OCA2: variants seen among roughly 807,000 people sequenced by gnomAD.
OCA2 encodes P protein.
Under a neutral mutation model 100.2 loss-of-function variants are expected in OCA2, and 77 were observed. The observed-to-expected ratio is 0.77, with a 90% confidence interval of 0.64 to 0.93. The LOEUF (loss-of-function observed/expected upper bound fraction) is 0.93. OCA2 is among the 40% of genes least tolerant of loss of function. OCA2 has a pLI of 0.00. For missense variants in OCA2, 1,062 were observed against 1,089.1 expected, an observed-to-expected ratio of 0.98 and a Z score of 0.35; for synonymous variants, 432 against 439.2, an observed-to-expected ratio of 0.98 and a Z score of 0.21.
At chr15:28,073,240 C>A (rs1241536658) in intron 2 of OCA2, among the ~76,000 whole-genome samples, 1 of 152,118 alleles carries the variant, frequency 6.6e-6, no homozygotes. Flanking sequence ...ACGGTGAAAC[C>A]CCGTCTCTAT....
chr15:28,069,427 C>T lies in OCA2; in HGVS notation c.227+12221G>A, dbSNP rs12593108. Among the ~76,000 whole-genome samples, 109 of 49,698 alleles carry T rather than the reference C, an allele frequency of 2.2e-3. 33 individuals carry two copies. In the African/African-American group the frequency reaches 0.027, roughly 12 times the overall value. The allele number at this position is 49,698 out of a possible 152,430, so 32.6% of individuals were successfully genotyped here. ...CCCCTTCCCCCTCCCCCTCCCCCTCCCCCTCCCCCTCTCCCCGGTCTCCCT... is the reference window on the plus strand; with the variant it reads ...CCCCTTCCCCCTCCCCCTCCCCCTCTCCCTCCCCCTCTCCCCGGTCTCCCT... On this transcript the variant is annotated intron_variant, in intron 2 of 23. Coordinates refer to ENST00000354638, the MANE Select transcript of OCA2 (RefSeq NM_000275.3).
chr15:28,022,582 A>G lies in OCA2; in HGVS notation c.574-9T>C. The G allele has an allele frequency of 6.2e-7, 1 of 1,609,684 alleles. No homozygotes were observed. Among genetic ancestry groups the G allele is most frequent in the Non-Finnish European group, 8.5e-7 (1 of 1,175,978 alleles). ...TATAGGCTGAACAAAATCTGTAACA[A>G]TCAGAAACGTTGAATGACAGAGGTG... On this transcript the variant is annotated splice_polypyrimidine_tract_variant and intron_variant, in intron 5 of 23. Coordinates refer to ENST00000354638, the MANE Select transcript of OCA2 (RefSeq NM_000275.3).
chr15:27,896,820 G>T (rs1595597027), intron 19 of OCA2, among the ~76,000 whole-genome samples: 2 of 152,144 alleles, frequency 1.3e-5, no homozygotes, highest in Non-Finnish European at 2.9e-5. Flanking sequence ...GCCAGCTGCA[G>T]AAATTTGCAT....
At chr15:27,893,346 G>A (rs59601668) in intron 19 of OCA2, among the ~76,000 whole-genome samples, 24 of 152,260 alleles carry the variant, frequency 1.6e-4, no homozygotes, top group African/African-American at 5.8e-4. Context: ...TGTAAAACAC[G>A]TGTGTTTGAA....
chr15:27,890,663 G>A (rs2037417656), intron 19 of OCA2, among the ~76,000 whole-genome samples: 1 of 152,136 alleles, frequency 6.6e-6, no homozygotes, highest in Non-Finnish European at 1.5e-5. Flanking sequence ...TAAAGAAAAA[G>A]AATTTTTTAC....
At chr15:28,093,769 A>G (rs2044915022) in intron 1 of OCA2, among the ~76,000 whole-genome samples, 1 of 152,186 alleles carries the variant, frequency 6.6e-6, no homozygotes, top group Non-Finnish European at 1.5e-5. Context: ...ATCAAAAGGA[A>G]CAGACAATTC....
intron 23 of OCA2, among the ~76,000 whole-genome samples, chr15:27,768,571 T>C (rs2031467950): frequency 6.6e-6 from 1 of 152,354 alleles, no homozygotes. Context: ...CCTTAAAAAC[T>C]CTCTTGTAAC....
At chr15:28,084,869 A>G (rs1158990097) in intron 1 of OCA2, among the ~76,000 whole-genome samples, 2 of 152,212 alleles carry the variant, frequency 1.3e-5, no homozygotes, top group Non-Finnish European at 2.9e-5. Context: ...TTTTCAGGCA[A>G]CAAGGAGCAT....
At chr15:27,986,443 C>A (rs950530899) in intron 12 of OCA2, 144 bp downstream of exon 12, 1 of 657,350 alleles carries the variant, frequency 1.5e-6, no homozygotes. Flanking sequence ...GCAAGTATAC[C>A]CTGCCCTGCA....
At chr15:27,772,535 A>C (rs1284972537) in intron 23 of OCA2, among the ~76,000 whole-genome samples, 1 of 152,134 alleles carries the variant, frequency 6.6e-6, no homozygotes, top group Non-Finnish European at 1.5e-5. Flanking sequence ...GAAAAGGCCT[A>C]TTTTCCATAG....
intron 23 of OCA2, among the ~76,000 whole-genome samples, chr15:27,765,775 G>C (rs1214153887): frequency 6.6e-6 from 1 of 152,214 alleles, no homozygotes; most frequent in Non-Finnish European, 1.5e-5. Flanking sequence ...CCTCGGTTTG[G>C]TCCGGGAACA....
At chr15:28,093,752 C>T (rs1014596863) in intron 1 of OCA2, among the ~76,000 whole-genome samples, 6 of 152,048 alleles carry the variant, frequency 3.9e-5, no homozygotes, top group African/African-American at 7.3e-5. Context: ...GGGAAGACCA[C>T]GCCACAATCA....
At chr15:28,070,547 C>G (rs1178506068) in intron 2 of OCA2, among the ~76,000 whole-genome samples, 41 of 141,174 alleles carry the variant, frequency 2.9e-4, no homozygotes, top group African/African-American at 5.2e-4. Flanking sequence ...GTGGGGGGGT[C>G]AGCCCTCCGC....
intron 23 of OCA2, among the ~76,000 whole-genome samples, chr15:27,788,424 T>C (rs902826767): frequency 2.0e-5 from 3 of 152,102 alleles, no homozygotes; most frequent in African/African-American, 7.2e-5. Context: ...TTATTGACCC[T>C]GATAAAAATG....
At chr15:28,068,537 T>C (rs997742909) in intron 2 of OCA2, among the ~76,000 whole-genome samples, 9 of 152,202 alleles carry the variant, frequency 5.9e-5, no homozygotes, top group African/African-American at 2.2e-4. Flanking sequence ...ATATCAATAC[T>C]ACTCAAACTA....
chr15:27,764,141 GA>G (rs1300937657), intron 23 of OCA2, among the ~76,000 whole-genome samples: 11 of 151,390 alleles, frequency 7.3e-5, no homozygotes, highest in Non-Finnish European at 1.3e-4. Context: ...AGGGATCAGA[GA>G]GGGATACAGA....
At chr15:27,930,291 C>A (rs11074311) in intron 18 of OCA2, among the ~76,000 whole-genome samples, 54 of 152,026 alleles carry the variant, frequency 3.6e-4, no homozygotes, top group Non-Finnish European at 6.3e-4. Context: ...ATACTCAAAC[C>A]ATGGAATACT....
intron 19 of OCA2, among the ~76,000 whole-genome samples, chr15:27,894,045 G>T (rs1031280338): frequency 1.3e-5 from 2 of 152,134 alleles, no homozygotes; most frequent in African/African-American, 4.8e-5. Context: ...ACTCAGGCAG[G>T]CATCACAGTC....
intron 18 of OCA2, among the ~76,000 whole-genome samples, chr15:27,929,159 C>A (rs1041808503): frequency 4.6e-5 from 7 of 151,994 alleles, no homozygotes; most frequent in African/African-American, 1.7e-4. Context: ...CTAAAATTCA[C>A]ATAAGAATGC....
Sources: gnomAD v4.1 joint callset for allele counts (sites outside exome capture counted in the v4.1 genomes callset) on GRCh38, gnomAD v4.1.1 for gene constraint, MANE v1.5 for transcripts, NCBI Gene and HGNC (gene_info 2026-07-23, HGNC 2026-07-21) for gene names.